Variants in AP5Z1 observed in about 807,000 individuals in gnomAD.
AP5Z1 encodes the protein AP-5 complex subunit zeta-1.
Under a neutral mutation model 83.0 loss-of-function variants are expected in AP5Z1, and 106 were observed. That is an observed-to-expected ratio of 1.28 (90% confidence interval 1.09 to 1.50). The LOEUF (loss-of-function observed/expected upper bound fraction) is 1.50, where lower values mean the gene tolerates loss of function less well. AP5Z1 is among the 40% of genes most tolerant of loss of function. The pLI, the probability that AP5Z1 is intolerant of heterozygous loss-of-function variation, is 0.00. For synonymous variants in AP5Z1, 751 were observed against 514.1 expected (o/e 1.46, Z -6.23); for missense variants, 1,565 against 1,094.2 (o/e 1.43, Z -6.07).
intron 7 of AP5Z1, 137 bp downstream of exon 7, chr7:4,785,185 CA>C (rs1396898376): frequency 2.1e-6 from 3 of 1,400,458 alleles, no homozygotes; most frequent in Non-Finnish European, 2.9e-6. Context: ...GGAGCAGGGG[CA>C]TTTTTGCTTC....
In AP5Z1 at chr7:4,781,712, C is replaced by T. The variant is rs1307463422; in HGVS notation, c.324C>T (p.Asn108=). The stretch of plus-strand genomic sequence containing the variant: ...GCCTGGCCTGGGACCACACGCAGAA[C>T]AGCCGGCAGCTGAGCCTGGTGGCCT... ...SLSLAWDHTQ[N]SRQLSLVASV... Residue 108 remains asparagine, a synonymous_variant, in exon 3 of 17, where the codon AAC becomes AAT. Coordinates refer to ENST00000649063, the MANE Select transcript of AP5Z1 (RefSeq NM_014855.3). 2 of 1,582,790 alleles carry T rather than the reference C, an allele frequency of 1.3e-6. No homozygotes were observed. Among genetic ancestry groups the T allele is most frequent in the East Asian group, 4.5e-5 (2 of 43,966 alleles).
At chr7:4,781,070 G>A (rs760762782) in intron 1 of AP5Z1, 105 bp from the exon 2 acceptor site, 59 of 1,434,922 alleles carry the variant, frequency 4.1e-5, no homozygotes, top group Non-Finnish European at 5.4e-5. Context: ...CCACACACTC[G>A]GCTTCTCTTT....
chr7:4,775,859 A>G (rs1781210556), intron 1 of AP5Z1, 103 bp downstream of exon 1: 2 of 1,480,092 alleles, frequency 1.4e-6, no homozygotes, highest in Non-Finnish European at 9.1e-7. Context: ...GCCTTGCAGG[A>G]ACCCGACTGG....
Position 4,785,943 on chromosome 7 carries a change from G to A in AP5Z1, c.1132+259G>A, listed in dbSNP as rs10230906. ...TTGATGGATTGCTGTGCCAGATGTTGGTAATTTTTAAACTTTTAAATAGAG... is the reference window on the plus strand; with the variant it reads ...TTGATGGATTGCTGTGCCAGATGTTAGTAATTTTTAAACTTTTAAATAGAG... On this transcript the variant is annotated intron_variant, in intron 9 of 16. Transcript: ENST00000649063. Among the ~76,000 whole-genome samples the A allele has an allele frequency of 0.017, 2,589 of 152,092 alleles. 86 individuals carry two copies. Among genetic ancestry groups the A allele is most frequent in the African/African-American group, 0.06 (2,482 of 41,492 alleles).
chr7:4,790,042 C>T (rs1781704697), intron 14 of AP5Z1, 113 bp downstream of exon 14: 5 of 1,155,514 alleles, frequency 4.3e-6, no homozygotes, highest in Non-Finnish European at 5.9e-6. Context: ...TAGCTGGGCC[C>T]TCAGCAGCCT....
chr7:4,786,463 G>T (rs971537734), intron 10 of AP5Z1, 35 bp downstream of exon 10: 36 of 1,605,842 alleles, frequency 2.2e-5, no homozygotes, highest in Non-Finnish European at 2.8e-5. Context: ...CAGGGCAGGG[G>T]CATGGTAAGT....
rs750471843 is a variant in AP5Z1, at chr7:4,775,671, T to G, written c.-45T>G. The stretch of plus-strand genomic sequence containing the variant: ...GGGTGCGGAGCTCCTGGGCTGCAGC[T>G]CCTGGAGTTTCCGAGGTTCGTGCGC... On this transcript the variant is annotated 5_prime_UTR_variant, in exon 1 of 17. Transcript: ENST00000649063. The G allele has an allele frequency of 3.1e-6, 5 of 1,604,906 alleles. No individual in the cohort carries two copies. Among genetic ancestry groups the G allele is most frequent in the African/African-American group, 1.3e-5 (1 of 74,902 alleles).
Position 4,784,253 on chromosome 7 carries a change from G to T in AP5Z1, c.672G>T (p.Thr224=). 1 of 1,588,298 alleles carries T rather than the reference G, an allele frequency of 6.3e-7. No individual in the cohort carries two copies. The change falls in exon 6 of 17, where the codon ACG becomes ACT. Residue 224 remains threonine, a synonymous_variant. Transcript: ENST00000649063. Reference sequence around the variant, plus strand: ...GGGCGGTAGCCACAGACTTCTTCACGGTGCTCTCCAGCGGCCACCGCTTCA... The same window carrying T: ...GGGCGGTAGCCACAGACTTCTTCACTGTGCTCTCCAGCGGCCACCGCTTCA... ...VDGAVATDFF[T]VLSSGHRFTD...
chr7:4,788,929 C>A lies in AP5Z1; in HGVS notation c.1685C>A (p.Ala562Glu). 1 of 1,611,356 alleles carries A rather than the reference C, an allele frequency of 6.2e-7. No individual in the cohort carries two copies. The highest frequency in any genetic ancestry group is 8.5e-7 in the Non-Finnish European group (1 of 1,179,430). The change falls in exon 13 of 17, where the codon GCA (alanine) becomes GAA (glutamate). Residue 562 changes from alanine to glutamate, a missense_variant. By Grantham distance (107) the Ala-to-Glu change is moderately radical. Coordinates refer to ENST00000649063, the MANE Select transcript of AP5Z1 (RefSeq NM_014855.3). ...CAQAVPTLLQ[A>E]FFSAVTQVAD... ...CAGGCCGTGCCCACGCTGCTGCAGG[C>A]ATTCTTCTCAGCAGTGACCCAGGTG... is the stretch of plus-strand genomic sequence containing the variant.
rs1157748067 is a variant in AP5Z1 at position 4,792,226 on chromosome 7, C to T, written c.*841C>T. 6.6e-6 allele frequency: 1 copy of T among 152,208 alleles called. No individual in the cohort carries two copies. The highest frequency in any genetic ancestry group is 1.5e-5 in the Non-Finnish European group (1 of 68,064). 9.4% of individuals were successfully genotyped at this position (152,208 alleles called of 1,614,324 possible). ...GGCACAGCTGTGTCGCACGTTCCGC[C>T]CGGTGCCTGGGACGGGCTCAGCCGC... On this transcript the variant is annotated 3_prime_UTR_variant, in exon 17 of 17. Coordinates refer to ENST00000649063, the MANE Select transcript of AP5Z1 (RefSeq NM_014855.3).
Position 4,793,493 on chromosome 7 carries a change from C to A in AP5Z1, c.*2108C>A, listed in dbSNP as rs965319357. ...AGCCCCTTTCAGGGCTGGCCAAGGC[C>A]GGAGCCGGCTCCCTCAGCTTGCGGG... On this transcript the variant is annotated 3_prime_UTR_variant, in exon 17 of 17. Coordinates refer to ENST00000649063, the MANE Select transcript of AP5Z1 (RefSeq NM_014855.3). 2 of 152,838 alleles carry A rather than the reference C, an allele frequency of 1.3e-5. No individual in the cohort carries two copies. The highest frequency in any genetic ancestry group is 4.8e-5 in the African/African-American group (2 of 41,474). The allele number at this position is 152,838 out of a possible 1,614,324, so 9.5% of individuals were successfully genotyped here.
intron 1 of AP5Z1, among the ~76,000 whole-genome samples, chr7:4,776,341 A>C (rs769191431): frequency 6.6e-6 from 1 of 151,910 alleles, no homozygotes; most frequent in African/African-American, 2.4e-5. Context: ...CTAACCAGTC[A>C]TGGGGGAAAA....
rs1210981615 is a variant in AP5Z1, at chr7:4,783,768, C to T, written c.591C>T (p.Gly197=). 2.0e-5 allele frequency: 31 copies of T among 1,550,180 alleles called. No homozygotes were observed. Among genetic ancestry groups the T allele is most frequent in the Admixed American group, 2.0e-4 (10 of 51,106 alleles). Residue 197 remains glycine (G), a synonymous_variant, in exon 5 of 17, where the codon GGC becomes GGT. Transcript: ENST00000649063. ...TCCAGCAAGGGCTCCCACACTCCGG[C>T]GGCTTCTTCTCCACGCCCAGGGCCC... ...ASLQQGLPHS[G]GFFSTPRARQ...
intron 14 of AP5Z1, 175 bp downstream of exon 14, chr7:4,790,104 C>T (rs1220869614): frequency 3.0e-6 from 4 of 1,346,824 alleles, no homozygotes; most frequent in South Asian, 2.9e-5. Flanking sequence ...AGGCACTTCT[C>T]TCTGCTTCTC....
In AP5Z1 at chr7:4,784,384, G is replaced by T; in HGVS notation, c.790+13G>T. On this transcript the variant is annotated intron_variant, in intron 6 of 16. Transcript: ENST00000649063. ...ACCCTGGACACAGGTGTGCGGGGTG[G>T]GGGGATGACGTCAGACAGGGGTGGG... 1 of 1,586,028 alleles carries T rather than the reference G, an allele frequency of 6.3e-7. No individual in the cohort carries two copies. Among genetic ancestry groups the T allele is most frequent in the South Asian group, 1.1e-5 (1 of 88,264 alleles).
chr7:4,789,722 G>T (rs1781686205), intron 13 of AP5Z1, 110 bp from the exon 14 acceptor site: 2 of 729,210 alleles, frequency 2.7e-6, no homozygotes, highest in African/African-American at 3.6e-5. Context: ...CAGTGGACGA[G>T]GAGTCTCCAG....
At chr7:4,785,111 CCTGAGGCCAG>C in intron 7 of AP5Z1, 63 bp downstream of exon 7, 1 of 1,533,934 alleles carries the variant, frequency 6.5e-7, no homozygotes, top group South Asian at 1.3e-5. Flanking sequence ...TGCAAGGCCA[CCTGAGGCCAG>C]CACAGCTTCC....
rs1583247884 is a variant in AP5Z1 at position 4,794,237 on chromosome 7, A to C, written c.*2852A>C. 2 of 152,252 alleles carry C rather than the reference A, an allele frequency of 1.3e-5. No homozygotes were observed. Among genetic ancestry groups the C allele is most frequent in the East Asian group, 3.8e-4 (2 of 5,200 alleles). 9.4% of individuals were successfully genotyped at this position (152,252 alleles called of 1,614,324 possible). ...TAAACGCACCAATCAGCACCCTGTC[A>C]AAACAGACCACTCGGCTCTACCAGT... is the stretch of plus-strand genomic sequence containing the variant. On this transcript the variant is annotated 3_prime_UTR_variant, in exon 17 of 17. Transcript: ENST00000649063.
At position 4,791,200 on chromosome 7, in the gene AP5Z1, A is replaced by G. The variant is rs762894286; in HGVS notation, c.2239A>G (p.Ile747Val). The change falls in exon 17 of 17, where the codon ATC (isoleucine) becomes GTC (valine). Residue 747 changes from isoleucine (I) to valine (V), a missense_variant. By Grantham distance (29) the Ile-to-Val change is conservative. Coordinates refer to ENST00000649063, the MANE Select transcript of AP5Z1 (RefSeq NM_014855.3). ...STHSEEGAEA[I>V]RTRATELLTL... ...GCACAGCGAGGAGGGCGCGGAAGCC[A>G]TCCGTACCCGGGCCACAGAGCTGCT... is the stretch of plus-strand genomic sequence containing the variant. 1 of 1,612,382 alleles carries G rather than the reference A, an allele frequency of 6.2e-7. No individual in the cohort carries two copies. The highest frequency in any genetic ancestry group is 8.5e-7 in the Non-Finnish European group (1 of 1,179,692).
Sources: allele counts gnomAD v4.1 joint callset (sites outside exome capture counted in the v4.1 genomes callset), GRCh38; gene constraint gnomAD v4.1.1; transcripts MANE v1.5; gene names NCBI Gene and HGNC (gene_info 2026-07-23, HGNC 2026-07-21).